Variants in MYBPC1 observed in about 807,000 individuals in gnomAD.
MYBPC1 encodes myosin-binding protein C, slow-type.
Under a neutral mutation model 147.1 loss-of-function variants are expected in MYBPC1, and 52 were observed. The observed-to-expected ratio is 0.35, with a 90% confidence interval of 0.28 to 0.45. MYBPC1 has a LOEUF of 0.45. Among genes scored for constraint, MYBPC1 ranks in the 20% least tolerant of loss-of-function variants. The probability of loss-of-function intolerance (pLI) is 1.00; values close to 1 mark genes in which losing one functional copy is unlikely to be tolerated. For synonymous variants in MYBPC1, 477 were observed against 475.9 expected, an observed-to-expected ratio of 1.00 and a Z score of -0.03; for missense variants, 1,228 against 1,440.3, an observed-to-expected ratio of 0.85 and a Z score of 2.39.
intron 23 of MYBPC1, 119 bp from the exon 24 acceptor site, chr12:101,670,202 G>A (rs543269268): frequency 5.9e-5 from 49 of 825,118 alleles, no homozygotes; most frequent in African/African-American, 4.5e-4. Flanking sequence ...ACATCTCAGA[G>A]TTTATTGCAG....
Position 101,594,988 on chromosome 12 carries a change from C to T in MYBPC1, c.-83C>T. ...AACTGCTTGTCACACCGACCTGCAC[C>T]ATCTCTCGCCTGCCTGTGGGGTTTC... On this transcript the variant is annotated 5_prime_UTR_variant, in exon 1 of 32. Coordinates refer to ENST00000361466, the MANE Select transcript of MYBPC1 (RefSeq NM_002465.4). The T allele has an allele frequency of 7.3e-7, 1 of 1,368,992 alleles. No homozygotes were observed. The highest frequency in any genetic ancestry group is 1.0e-6 in the Non-Finnish European group (1 of 960,240). The allele number at this position is 1,368,992 out of a possible 1,614,324, so 84.8% of individuals were successfully genotyped here.
At chr12:101,636,546 G>GAAC in intron 9 of MYBPC1, 126 bp from the exon 10 acceptor site, 1 of 769,150 alleles carries the variant, frequency 1.3e-6, no homozygotes, top group Non-Finnish European at 2.3e-6. Flanking sequence ...AAAAGAAATA[G>GAAC]TTTGTGTTGA....
rs1013969344 is a variant in MYBPC1 at position 101,632,924 on chromosome 12, G to T, written c.556+786G>T. On this transcript the variant is annotated intron_variant, in intron 8 of 31. Coordinates refer to ENST00000361466, the MANE Select transcript of MYBPC1 (RefSeq NM_002465.4). ...TTGCTGGGGTATTTTTAGAAGAGAC[G>T]GGATTTCGCCATATTAGCCAGCCTA... Among the ~76,000 whole-genome samples, 3 of 152,164 alleles carry T rather than the reference G, an allele frequency of 2.0e-5. 1 individual carries two copies. In the South Asian group the frequency reaches 6.2e-4, roughly 32 times the overall value.
At chr12:101,608,687 C>A (rs12311513) in intron 1 of MYBPC1, among the ~76,000 whole-genome samples, 8,673 of 152,252 alleles carry the variant, frequency 0.057, 665 homozygotes, top group African/African-American at 0.17. Context: ...ACACAAGTTG[C>A]TTTGCCGTTT....
chr12:101,668,026 AATG>A, intron 23 of MYBPC1, 127 bp downstream of exon 23: 1 of 373,812 alleles, frequency 2.7e-6, no homozygotes, highest in Non-Finnish European at 4.3e-6. Flanking sequence ...TTAATGCTTT[AATG>A]CTTCCTAAGA....
chr12:101,626,932 T>C (rs376304816), intron 4 of MYBPC1, 22 bp downstream of exon 4: 219 of 1,593,808 alleles, frequency 1.4e-4, no homozygotes, highest in Non-Finnish European at 1.9e-4. Flanking sequence ...TTCTACCCTT[T>C]TCCCTGCTTT....
chr12:101,680,671 G>C, intron 29 of MYBPC1, 142 bp downstream of exon 29: 3 of 926,114 alleles, frequency 3.2e-6, no homozygotes, highest in Non-Finnish European at 5.1e-6. Context: ...GGCAAGGGAA[G>C]CAGGGAGGGA....
In MYBPC1 at chr12:101,631,890, C is replaced by A. The variant is rs1889979408; in HGVS notation, c.439-131C>A. On this transcript the variant is annotated intron_variant, in intron 7 of 31. Transcript: ENST00000361466. Reference sequence around the variant, plus strand: ...ATTGCCCGGCTGTGTCCGGGGGCTACAGGACACATTTGCCCTCCTATAGTG... The same window carrying A: ...ATTGCCCGGCTGTGTCCGGGGGCTAAAGGACACATTTGCCCTCCTATAGTG... 7 of 1,290,088 alleles carry A rather than the reference C, an allele frequency of 5.4e-6. No individual in the cohort carries two copies. The Admixed American group carries it at 6.9e-5, about 13-fold the overall frequency. The allele number at this position is 1,290,088 out of a possible 1,614,324, so 79.9% of individuals were successfully genotyped here. A position where few individuals can be genotyped will look rare whatever the true frequency, so the allele number is the denominator to read the frequency against.
chr12:101,693,282 T>G, the MYBPC1 span, among the ~76,000 whole-genome samples: 1 of 152,200 alleles, frequency 6.6e-6, no homozygotes, highest in Non-Finnish European at 1.5e-5. Flanking sequence ...ATTTCATATT[T>G]GCAAAATATA....
At chr12:101,637,074 A>T in intron 10 of MYBPC1, 1 of 260,428 alleles carries the variant, frequency 3.8e-6, no homozygotes, top group Non-Finnish European at 7.4e-6. Context: ...GAAGGTATAC[A>T]CATTGTAAGA....
At chr12:101,626,641 T>C (rs919089332) in intron 3 of MYBPC1, among the ~76,000 whole-genome samples, 22 of 152,256 alleles carry the variant, frequency 1.4e-4, no homozygotes, top group African/African-American at 5.3e-4. Flanking sequence ...TTTTTAAATC[T>C]GTGCTTCCAT....
chr12:101,689,391 C>T (rs1358182372), downstream of MYBPC1, among the ~76,000 whole-genome samples: 1 of 152,138 alleles, frequency 6.6e-6, no homozygotes, highest in Non-Finnish European at 1.5e-5. Context: ...AAAAAGTCAC[C>T]CATAGAACAA....
chr12:101,604,690 C>CT (rs1246009740), intron 1 of MYBPC1, among the ~76,000 whole-genome samples: 1 of 152,106 alleles, frequency 6.6e-6, no homozygotes. Flanking sequence ...ATTATTTGCT[C>CT]TTTTGAAAAA....
At chr12:101,677,528 C>A in intron 27 of MYBPC1, 134 bp downstream of exon 27, 2 of 1,101,520 alleles carry the variant, frequency 1.8e-6, no homozygotes, top group Non-Finnish European at 2.6e-6. Flanking sequence ...TAATGGTGTT[C>A]AAGTAAAATT....
chr12:101,617,654 T>C (rs748287976), intron 3 of MYBPC1, among the ~76,000 whole-genome samples: 3 of 152,210 alleles, frequency 2.0e-5, no homozygotes, highest in Non-Finnish European at 4.4e-5. Context: ...TCACTAATAA[T>C]TTTGAAGGCT....
chr12:101,631,547 C>G, intron 6 of MYBPC1, 24 bp from the exon 7 acceptor site: 1 of 1,613,006 alleles, frequency 6.2e-7, no homozygotes, highest in South Asian at 1.1e-5. Flanking sequence ...AAAGAGCAAG[C>G]TGAATCCCTT....
downstream of MYBPC1, among the ~76,000 whole-genome samples, chr12:101,686,834 A>G (rs1474580009): frequency 1.3e-5 from 2 of 152,124 alleles, no homozygotes; most frequent in Non-Finnish European, 2.9e-5. Flanking sequence ...TGAATGATTC[A>G]GGTCGTTGCA....
chr12:101,668,527 T>A (rs926603334), intron 23 of MYBPC1, among the ~76,000 whole-genome samples: 1 of 151,358 alleles, frequency 6.6e-6, no homozygotes, highest in Non-Finnish European at 1.5e-5. Context: ...AATGGCACAA[T>A]CTTGGCCACT....
the MYBPC1 span, among the ~76,000 whole-genome samples, chr12:101,693,028 C>A: frequency 6.6e-6 from 1 of 151,266 alleles, no homozygotes; most frequent in Non-Finnish European, 1.5e-5. Context: ...CTCACTGCCA[C>A]CTCCGCCTCC....
Sources: allele counts gnomAD v4.1 joint callset (sites outside exome capture counted in the v4.1 genomes callset), GRCh38; gene constraint gnomAD v4.1.1; transcripts MANE v1.5; gene names NCBI Gene and HGNC (gene_info 2026-07-23, HGNC 2026-07-21).